SP4: variants seen among roughly 807,000 people sequenced by gnomAD.
SP4 encodes Sp4 transcription factor.
In SP4, 19 loss-of-function variants were observed where a neutral mutation model predicts 72.8. The observed-to-expected ratio is 0.26, with a 90% CI of 0.18 to 0.38. The LOEUF is 0.38. Ranked by LOEUF, SP4 falls within the 10% of genes least tolerant of loss-of-function variation. The probability of loss-of-function intolerance (pLI) is 1.00; values close to 1 mark genes in which losing one functional copy is unlikely to be tolerated. For missense variants in SP4, 1,008 were observed against 926.3 expected, an observed-to-expected ratio of 1.09 and a Z score of -1.14; for synonymous variants, 395 against 333.1, an observed-to-expected ratio of 1.19 and a Z score of -2.02.
intron 5 of SP4, among the ~76,000 whole-genome samples, chr7:21,490,371 A>G (rs1784943877): frequency 6.6e-6 from 1 of 152,206 alleles, no homozygotes; most frequent in Non-Finnish European, 1.5e-5. Flanking sequence ...TGCAGATTAC[A>G]CTGAAATAGT....
chr7:21,449,771 A>G (rs1379853728), intron 3 of SP4, among the ~76,000 whole-genome samples: 1 of 152,198 alleles, frequency 6.6e-6, no homozygotes, highest in Non-Finnish European at 1.5e-5. Flanking sequence ...GTTATTGGCA[A>G]ACCAGGATAA....
intron 5 of SP4, among the ~76,000 whole-genome samples, chr7:21,482,378 C>A (rs1784711722): frequency 6.6e-6 from 1 of 152,012 alleles, no homozygotes; most frequent in Non-Finnish European, 1.5e-5. Context: ...ATATTGTAAT[C>A]TTAGCATGTT....
Position 21,482,101 on chromosome 7 carries a change from G to A in SP4, c.2085G>A (p.Gln695=). ...GKRFTRSDEL[Q]RHRRTHTGEK... ...GATTCACACGGAGTGATGAGCTCCA[G>A]AGACATAGAAGAACCCATACAGGTT... Residue 695 remains glutamine (Q), a synonymous_variant, in exon 5 of 6, where the codon CAG becomes CAA. Transcript: ENST00000222584. The A allele has an allele frequency of 1.2e-6, 2 of 1,613,994 alleles. No individual in the cohort carries two copies. The highest frequency in any genetic ancestry group is 1.7e-5 in the Admixed American group (1 of 60,018).
At chr7:21,450,467 A>T (rs975361737) in intron 3 of SP4, among the ~76,000 whole-genome samples, 1 of 152,060 alleles carries the variant, frequency 6.6e-6, no homozygotes, top group Non-Finnish European at 1.5e-5. Flanking sequence ...GGGCCTTCAT[A>T]TAAGTATTGG....
chr7:21,458,641 T>A (rs1312572098), intron 3 of SP4, among the ~76,000 whole-genome samples: 6 of 152,198 alleles, frequency 3.9e-5, no homozygotes, highest in African/African-American at 1.4e-4. Context: ...ATAATTTTTT[T>A]AAATCCTCCT....
chr7:21,446,893 A>T (rs1583390914), intron 3 of SP4, among the ~76,000 whole-genome samples: 1 of 151,882 alleles, frequency 6.6e-6, no homozygotes, highest in East Asian at 2.0e-4. Context: ...GCCAAATCTA[A>T]TATTGACTCT....
rs1392458586 is a variant in SP4 at position 21,513,595 on chromosome 7, C to G, written c.*2326C>G. On this transcript the variant is annotated 3_prime_UTR_variant, in exon 6 of 6. Transcript: ENST00000222584. Reference sequence around the variant, plus strand: ...AATCAGTGCTATAAATTTTTTTATGCAAAGAAACTTTCTTAATGTTTTAAT... The same window carrying G: ...AATCAGTGCTATAAATTTTTTTATGGAAAGAAACTTTCTTAATGTTTTAAT... 1 of 152,444 alleles carries G rather than the reference C, an allele frequency of 6.6e-6. No homozygotes were observed. Among genetic ancestry groups the G allele is most frequent in the African/African-American group, 2.4e-5 (1 of 41,398 alleles). 9.4% of individuals were successfully genotyped at this position (152,444 alleles called of 1,614,324 possible).
chr7:21,506,315 G>T (rs1781998290), intron 5 of SP4, among the ~76,000 whole-genome samples: 2 of 152,068 alleles, frequency 1.3e-5, no homozygotes, highest in Admixed American at 1.3e-4. Flanking sequence ...TTTATTAAGG[G>T]TTCCTGGTGG....
chr7:21,475,301 A>G (rs1472849663), intron 3 of SP4, among the ~76,000 whole-genome samples: 1 of 151,830 alleles, frequency 6.6e-6, no homozygotes, highest in Admixed American at 6.6e-5. Flanking sequence ...TTTTTAATAG[A>G]GATGGGGTTT....
At chr7:21,456,849 A>G (rs1008050337) in intron 3 of SP4, among the ~76,000 whole-genome samples, 3 of 152,138 alleles carry the variant, frequency 2.0e-5, no homozygotes, top group Middle Eastern at 3.2e-3. Flanking sequence ...CCTGATGTAG[A>G]CCCCAAGGTC....
rs184335065 is a variant in SP4, at chr7:21,506,417, C to G, written c.2108-4605C>G. Reference sequence around the variant, plus strand: ...TTCTTTTTTCCATTTAGGACATCCTCTCTTCAAATGCCCTGTCTTTCCACA... The same window carrying G: ...TTCTTTTTTCCATTTAGGACATCCTGTCTTCAAATGCCCTGTCTTTCCACA... On this transcript the variant is annotated intron_variant, in intron 5 of 5. Coordinates refer to ENST00000222584, the MANE Select transcript of SP4 (RefSeq NM_003112.5). 8.0e-4 allele frequency among the ~76,000 whole-genome samples: 122 copies of G among 152,294 alleles called. 2 individuals are homozygous for G. The highest frequency in any genetic ancestry group is 4.1e-4 in the Non-Finnish European group (28 of 68,034).
intron 5 of SP4, among the ~76,000 whole-genome samples, chr7:21,498,871 G>A (rs146531904): frequency 0.039 from 5,865 of 152,106 alleles, 143 homozygotes; most frequent in Non-Finnish European, 0.055. Flanking sequence ...GGATCATGAG[G>A]TCAGGAGATC....
At chr7:21,509,096 T>G (rs1782080721) in intron 5 of SP4, among the ~76,000 whole-genome samples, 1 of 152,168 alleles carries the variant, frequency 6.6e-6, no homozygotes, top group Non-Finnish European at 1.5e-5. Flanking sequence ...ATATGTTGGC[T>G]TCGTCAGAAT....
At chr7:21,440,837 G>A (rs1042446159) in intron 3 of SP4, among the ~76,000 whole-genome samples, 4 of 151,852 alleles carry the variant, frequency 2.6e-5, no homozygotes, top group African/African-American at 4.8e-5. Flanking sequence ...GCAACAGAAC[G>A]GGACCCTGTC....
chr7:21,461,176 C>T (rs906153301), intron 3 of SP4, among the ~76,000 whole-genome samples: 10 of 152,242 alleles, frequency 6.6e-5, no homozygotes, highest in Non-Finnish European at 1.5e-4. Context: ...AGCTGCCTGC[C>T]AGTCCCGTGC....
intron 2 of SP4, 61 bp from the exon 3 acceptor site, chr7:21,429,227 TC>T: frequency 1.1e-6 from 1 of 907,632 alleles, no homozygotes. Context: ...ACTACTGGCC[TC>T]CACTAAATCC....
chr7:21,433,306 G>T (rs1485392064), intron 3 of SP4, among the ~76,000 whole-genome samples: 5 of 152,106 alleles, frequency 3.3e-5, no homozygotes, highest in Non-Finnish European at 7.4e-5. Context: ...TACATAGTTG[G>T]ATTCTTTTCC....
rs1012683350 is a variant in SP4 at position 21,478,838 on chromosome 7, G to C, written c.1907+1531G>C. Reference sequence around the variant, plus strand: ...TAATCCCAGCACTTCGGGAGGCCAAGGCAGGTGGATCACCTGAGGTCAGGA... The same window carrying C: ...TAATCCCAGCACTTCGGGAGGCCAACGCAGGTGGATCACCTGAGGTCAGGA... On this transcript the variant is annotated intron_variant, in intron 4 of 5. Coordinates refer to ENST00000222584, the MANE Select transcript of SP4 (RefSeq NM_003112.5). Among the ~76,000 whole-genome samples the C allele has an allele frequency of 2.9e-4, 44 of 152,286 alleles. 1 individual carries two copies. Among genetic ancestry groups the C allele is most frequent in the African/African-American group, 1.1e-3 (44 of 41,568 alleles).
intron 3 of SP4, among the ~76,000 whole-genome samples, chr7:21,456,065 C>T (rs1008269336): frequency 3.9e-5 from 6 of 152,154 alleles, no homozygotes; most frequent in South Asian, 2.1e-4. Flanking sequence ...CATGGAAAGC[C>T]TTCATATGCT....
Sources: allele counts gnomAD v4.1 joint callset (sites outside exome capture counted in the v4.1 genomes callset), GRCh38; gene constraint gnomAD v4.1.1; transcripts MANE v1.5; gene names NCBI Gene and HGNC (gene_info 2026-07-23, HGNC 2026-07-21).